Variants in FLRT2 observed in about 807,000 individuals in gnomAD.
FLRT2 encodes the protein leucine-rich repeat transmembrane protein FLRT2.
In FLRT2, 15 loss-of-function variants were observed where a neutral mutation model predicts 40.0. The ratio of observed to expected loss-of-function variants is 0.38; its 90% confidence interval spans 0.25 to 0.58. The LOEUF (loss-of-function observed/expected upper bound fraction) is 0.58, where lower values mean the gene tolerates loss of function less well. Among genes scored for constraint, FLRT2 ranks in the 20% least tolerant of loss-of-function variants. FLRT2 has a pLI of 0.71. For missense variants in FLRT2, 726 were observed against 840.0 expected (o/e 0.86, Z 1.68); for synonymous variants, 380 against 336.8 (o/e 1.13, Z -1.41).
At chr14:85,544,249 CAT>C (rs1261545118) in intron 1 of FLRT2, among the ~76,000 whole-genome samples, 2 of 152,192 alleles carry the variant, frequency 1.3e-5, no homozygotes, top group Non-Finnish European at 2.9e-5. Context: ...CCAAACCACA[CAT>C]GAGGCAATTC....
intron 1 of FLRT2, among the ~76,000 whole-genome samples, chr14:85,560,257 C>T (rs1890222067): frequency 6.6e-6 from 1 of 151,960 alleles, no homozygotes; most frequent in Non-Finnish European, 1.5e-5. Flanking sequence ...AATCATGAAG[C>T]CAGAAGGAGA....
At chr14:85,592,348 A>G (rs1339974789) in intron 1 of FLRT2, among the ~76,000 whole-genome samples, 1 of 152,152 alleles carries the variant, frequency 6.6e-6, no homozygotes, top group Non-Finnish European at 1.5e-5. Flanking sequence ...GACACGTGGT[A>G]AATGGGAACC....
At chr14:85,537,894 G>A (rs1888764466) in intron 1 of FLRT2, among the ~76,000 whole-genome samples, 1 of 148,428 alleles carries the variant, frequency 6.7e-6, no homozygotes. Flanking sequence ...GGTGTTTTTG[G>A]TTTTCTTTGA....
At position 85,640,095 on chromosome 14, in the gene FLRT2, G is replaced by T. The variant is rs139438489; in HGVS notation, c.*16598G>T. ...GATTTCCTGACCTCGTGATCCGCCC[G>T]CCTCGGCCTCCCAAAGTGCTGGGAT... On this transcript the variant is annotated 3_prime_UTR_variant, in exon 2 of 2. Coordinates refer to ENST00000330753, the MANE Select transcript of FLRT2 (RefSeq NM_013231.6). 1 of 152,068 alleles carries T rather than the reference G, an allele frequency of 6.6e-6. No individual in the cohort carries two copies. The highest frequency in any genetic ancestry group is 1.5e-5 in the Non-Finnish European group (1 of 68,098). The allele number at this position is 152,068 out of a possible 1,614,324, so 9.4% of individuals were successfully genotyped here.
intron 1 of FLRT2, among the ~76,000 whole-genome samples, chr14:85,551,074 A>G (rs1889593084): frequency 1.3e-5 from 2 of 152,208 alleles, no homozygotes; most frequent in South Asian, 2.1e-4. Flanking sequence ...ATAATTCATC[A>G]TCCTTAAGTG....
chr14:85,629,852 A>G lies in FLRT2; in HGVS notation c.*6355A>G, dbSNP rs1384462205. The G allele has an allele frequency of 6.6e-6, 1 of 152,184 alleles. No individual in the cohort carries two copies. The highest frequency in any genetic ancestry group is 1.5e-5 in the Non-Finnish European group (1 of 68,032). 9.4% of individuals were successfully genotyped at this position (152,184 alleles called of 1,614,324 possible). A position where few individuals can be genotyped will look rare whatever the true frequency, so the allele number is the denominator to read the frequency against. On this transcript the variant is annotated 3_prime_UTR_variant, in exon 2 of 2. Coordinates refer to ENST00000330753, the MANE Select transcript of FLRT2 (RefSeq NM_013231.6). ...TGTCTTTTAAAGCCCTTGGTCATCC[A>G]TTCCTATTTTTTATAAAAATTCTTT...
intron 1 of FLRT2, among the ~76,000 whole-genome samples, chr14:85,532,278 T>A (rs759234068): frequency 4.2e-4 from 64 of 152,160 alleles, no homozygotes; most frequent in Middle Eastern, 3.2e-3. Flanking sequence ...TCGGCGTAGC[T>A]CTTGGCGCGG....
At position 85,632,321 on chromosome 14, in the gene FLRT2, A is replaced by C. The variant is rs1486837268; in HGVS notation, c.*8824A>C. 1 of 151,696 alleles carries C rather than the reference A, an allele frequency of 6.6e-6. No individual in the cohort carries two copies. Among genetic ancestry groups the C allele is most frequent in the Non-Finnish European group, 1.5e-5 (1 of 67,992 alleles). The allele number at this position is 151,696 out of a possible 1,614,324, so 9.4% of individuals were successfully genotyped here. Reference sequence around the variant, plus strand: ...CCTGTCTCTACTAAAAATACAAAAAATTTAGCCGGGCTTGGTGGTGCGTGC... The same window carrying C: ...CCTGTCTCTACTAAAAATACAAAAACTTTAGCCGGGCTTGGTGGTGCGTGC... On this transcript the variant is annotated 3_prime_UTR_variant, in exon 2 of 2. Coordinates refer to ENST00000330753, the MANE Select transcript of FLRT2 (RefSeq NM_013231.6).
rs1295241784 is a variant in FLRT2 at position 85,639,137 on chromosome 14, G to T, written c.*15640G>T. ...CTATTCTGTAACAAGGTTTTCTCAT[G>T]ATCCAGTTATTTTAAGGATACCTGC... On this transcript the variant is annotated 3_prime_UTR_variant, in exon 2 of 2. Transcript: ENST00000330753. 6.6e-6 allele frequency: 1 copy of T among 152,128 alleles called. No individual in the cohort carries two copies. Among genetic ancestry groups the T allele is most frequent in the Non-Finnish European group, 1.5e-5 (1 of 68,030 alleles). 9.4% of individuals were successfully genotyped at this position (152,128 alleles called of 1,614,324 possible).
Position 85,564,451 on chromosome 14 carries a change from G to A in FLRT2, c.-377+33917G>A, listed in dbSNP as rs377073800. On this transcript the variant is annotated intron_variant, in intron 1 of 1. Transcript: ENST00000330753. ...AAGTAAATACAATCACCAGTAACCC[G>A]GGTTAAAAATATATTTAGGTAATTA... Among the ~76,000 whole-genome samples the A allele has an allele frequency of 5.3e-5, 8 of 152,200 alleles. No individual in the cohort carries two copies. The South Asian group carries it at 1.0e-3, about 20-fold the overall frequency.
intron 1 of FLRT2, among the ~76,000 whole-genome samples, chr14:85,542,192 A>G (rs1372536051): frequency 6.6e-6 from 1 of 152,194 alleles, no homozygotes; most frequent in Non-Finnish European, 1.5e-5. Flanking sequence ...TCAATTAAGT[A>G]AAGGAACTTC....
intron 1 of FLRT2, among the ~76,000 whole-genome samples, chr14:85,553,464 G>C (rs1889765814): frequency 6.6e-6 from 1 of 152,104 alleles, no homozygotes; most frequent in Non-Finnish European, 1.5e-5. Context: ...AATGATAGCT[G>C]ATGAGCTAGA....
At chr14:85,592,726 T>C (rs1176942064) in intron 1 of FLRT2, among the ~76,000 whole-genome samples, 3 of 145,476 alleles carry the variant, frequency 2.1e-5, no homozygotes, top group Non-Finnish European at 3.0e-5. Context: ...GAGGCGAAGG[T>C]TGCAGCGAGC....
At position 85,626,813 on chromosome 14, in the gene FLRT2, A is replaced by G. The variant is rs1893702373; in HGVS notation, c.*3316A>G. 6.0e-6 allele frequency: 1 copy of G among 167,134 alleles called. No individual in the cohort carries two copies. Among genetic ancestry groups the G allele is most frequent in the African/African-American group, 2.4e-5 (1 of 41,476 alleles). The allele number at this position is 167,134 out of a possible 1,614,324, so 10.4% of individuals were successfully genotyped here. Reference sequence around the variant, plus strand: ...AGACATTCTCCCTGAGGTTAAAAACAAAAAGTACGTGACCAGTCTGGTAAG... The same window carrying G: ...AGACATTCTCCCTGAGGTTAAAAACGAAAAGTACGTGACCAGTCTGGTAAG... On this transcript the variant is annotated 3_prime_UTR_variant, in exon 2 of 2. Transcript: ENST00000330753.
In FLRT2 at chr14:85,627,397, A is replaced by C. The variant is rs1349331442; in HGVS notation, c.*3900A>C. 6.0e-6 allele frequency: 1 copy of C among 167,056 alleles called. No homozygotes were observed. The allele number at this position is 167,056 out of a possible 1,614,324, so 10.3% of individuals were successfully genotyped here. A position where few individuals can be genotyped will look rare whatever the true frequency, so the allele number is the denominator to read the frequency against. ...GCAGGGTCAAAAGACAGTTACTAGC[A>C]ATGGGGAATGCTTGTCACTGTGGAG... On this transcript the variant is annotated 3_prime_UTR_variant, in exon 2 of 2. Coordinates refer to ENST00000330753, the MANE Select transcript of FLRT2 (RefSeq NM_013231.6).
At chr14:85,540,721 GT>G (rs5810258) in intron 1 of FLRT2, among the ~76,000 whole-genome samples, 92,669 of 150,808 alleles carry the variant, frequency 0.61, 28,575 homozygotes, top group Admixed American at 0.68. Context: ...CTTTTTTAAT[GT>G]TTTTTTTTTA....
At chr14:85,617,033 T>A (rs1893168306) in intron 1 of FLRT2, among the ~76,000 whole-genome samples, 1 of 152,062 alleles carries the variant, frequency 6.6e-6, no homozygotes, top group Non-Finnish European at 1.5e-5. Flanking sequence ...AAGGTGTGTG[T>A]AGATCATCGG....
intron 1 of FLRT2, among the ~76,000 whole-genome samples, chr14:85,538,065 C>T (rs1888774748): frequency 1.3e-5 from 2 of 152,218 alleles, no homozygotes; most frequent in African/African-American, 2.4e-5. Context: ...GCAAGCCTCC[C>T]ACTTACTGGC....
chr14:85,627,696 A>C lies in FLRT2; in HGVS notation c.*4199A>C, dbSNP rs1893749764. 1 of 167,058 alleles carries C rather than the reference A, an allele frequency of 6.0e-6. No homozygotes were observed. The highest frequency in any genetic ancestry group is 1.5e-5 in the Non-Finnish European group (1 of 68,120). 10.3% of individuals were successfully genotyped at this position (167,058 alleles called of 1,614,324 possible). Reference sequence around the variant, plus strand: ...CCAAGTGTGTGTCGCTCATAGGACTAGTGTATATTCACTGAAAGTTAACCT... The same window carrying C: ...CCAAGTGTGTGTCGCTCATAGGACTCGTGTATATTCACTGAAAGTTAACCT... On this transcript the variant is annotated 3_prime_UTR_variant, in exon 2 of 2. Transcript: ENST00000330753.
Sources: gnomAD v4.1 joint callset for allele counts (sites outside exome capture counted in the v4.1 genomes callset) on GRCh38, gnomAD v4.1.1 for gene constraint, MANE v1.5 for transcripts, NCBI Gene and HGNC (gene_info 2026-07-23, HGNC 2026-07-21) for gene names.